SRGAP2B: variants seen among roughly 807,000 people sequenced by gnomAD.
SRGAP2B encodes SLIT-ROBO Rho GTPase activating protein 2B.
In SRGAP2B, 9 loss-of-function variants were observed where a neutral mutation model predicts 22.2. That is an observed-to-expected ratio of 0.41 (90% CI 0.24 to 0.71). The LOEUF (loss-of-function observed/expected upper bound fraction) is 0.71, where lower values mean the gene tolerates loss of function less well. SRGAP2B is among the 30% of genes least tolerant of loss of function. The probability of loss-of-function intolerance (pLI) is 0.35; values close to 1 mark genes in which losing one functional copy is unlikely to be tolerated. For missense variants in SRGAP2B, 114 were observed against 235.8 expected, an observed-to-expected ratio of 0.48 and a Z score of 3.38; for synonymous variants, 36 against 87.4, an observed-to-expected ratio of 0.41 and a Z score of 3.28.
At chr1:144,964,508 G>A (rs1160479310) in intron 3 of SRGAP2B, among the ~76,000 whole-genome samples, 3 of 150,640 alleles carry the variant, frequency 2.0e-5, no homozygotes, top group Non-Finnish European at 4.4e-5. Flanking sequence ...TACTTTACTG[G>A]CAAAACTTTA....
chr1:145,058,093 T>C lies in SRGAP2B; in HGVS notation c.67+34742A>G, dbSNP rs1192479970. Among the ~76,000 whole-genome samples the C allele has an allele frequency of 1.3e-5, 2 of 149,498 alleles. 1 individual carries two copies. The highest frequency in any genetic ancestry group is 5.0e-5 in the African/African-American group (2 of 39,700). On this transcript the variant is annotated intron_variant, in intron 2 of 9. Coordinates refer to ENST00000612199, the Ensembl canonical transcript of SRGAP2B. ...GTTCAGCAGCCCTATGGGAAACGCA[T>C]AGGCTTTAGAGGCAGACTTTGGGAT...
At chr1:144,933,275 A>T (rs1570774452) in intron 4 of SRGAP2B, among the ~76,000 whole-genome samples, 1 of 149,260 alleles carries the variant, frequency 6.7e-6, no homozygotes, top group South Asian at 2.1e-4. Flanking sequence ...CGCCTGGGAC[A>T]TGTAACTATT....
Position 144,955,081 on chromosome 1 carries a change from G to T in SRGAP2B, c.423+358C>A, listed in dbSNP as rs1382912008. 3.3e-5 allele frequency among the ~76,000 whole-genome samples: 5 copies of T among 150,080 alleles called. 1 individual carries two copies. Among genetic ancestry groups the T allele is most frequent in the Middle Eastern group, 6.4e-3 (2 of 312 alleles). On this transcript the variant is annotated intron_variant, in intron 4 of 9. Coordinates refer to ENST00000612199, the Ensembl canonical transcript of SRGAP2B. Reference sequence around the variant, plus strand: ...TTATGAATTATAGTACCAGCCCTGGGTTTATACCTTGCAAATGGTTCCTTT... The same window carrying T: ...TTATGAATTATAGTACCAGCCCTGGTTTTATACCTTGCAAATGGTTCCTTT...
At chr1:144,979,715 A>G (rs1553614774) in intron 3 of SRGAP2B, among the ~76,000 whole-genome samples, 1 of 150,694 alleles carries the variant, frequency 6.6e-6, no homozygotes, top group South Asian at 2.1e-4. Context: ...TGGTTGTTCA[A>G]AAGTCTGGGA....
intron 4 of SRGAP2B, among the ~76,000 whole-genome samples, chr1:144,941,040 C>T (rs113582490): frequency 1.3e-5 from 2 of 149,352 alleles, no homozygotes; most frequent in South Asian, 2.1e-4. Context: ...GAAGGAAATA[C>T]ATCAAAATGT....
intron 4 of SRGAP2B, among the ~76,000 whole-genome samples, chr1:144,932,482 G>T (rs1214460880): frequency 6.6e-6 from 1 of 150,880 alleles, no homozygotes; most frequent in Non-Finnish European, 1.5e-5. Context: ...CTTGAAACCA[G>T]CAAGTTGAGA....
At chr1:144,911,439 T>C (rs1468871825) in intron 5 of SRGAP2B, among the ~76,000 whole-genome samples, 3 of 149,944 alleles carry the variant, frequency 2.0e-5, no homozygotes, top group Non-Finnish European at 4.4e-5. Flanking sequence ...AGGTGACCAA[T>C]TAACCCTTTT....
intron 2 of SRGAP2B, among the ~76,000 whole-genome samples, chr1:145,019,898 C>G (rs587636740): frequency 6.6e-6 from 1 of 151,150 alleles, no homozygotes; most frequent in African/African-American, 2.5e-5. Context: ...CACCAGAGCA[C>G]TCTGCTTCAG....
intron 7 of SRGAP2B, among the ~76,000 whole-genome samples, chr1:144,898,380 A>G (rs1662438551): frequency 8.5e-6 from 1 of 117,582 alleles, no homozygotes; most frequent in South Asian, 3.2e-4. Flanking sequence ...TTCTTCTGTT[A>G]GAGAAAAGTC....
chr1:144,970,386 C>T (rs1668415320), intron 3 of SRGAP2B, among the ~76,000 whole-genome samples: 1 of 114,742 alleles, frequency 8.7e-6, no homozygotes, highest in Non-Finnish European at 1.7e-5. Context: ...TCTCAGTAAA[C>T]TATCGCAAGA....
At chr1:145,095,248 GC>G in exon 1 of SRGAP2B, 1 of 247,876 alleles carries the variant, frequency 4.0e-6, no homozygotes, top group Non-Finnish European at 6.7e-6. Context: ...CGGGTCCCAG[GC>G]CCCCGGCTCC....
chr1:144,976,180 T>G lies in SRGAP2B; in HGVS notation c.260+18828A>C, dbSNP rs1668892534. On this transcript the variant is annotated intron_variant, in intron 3 of 9. Transcript: ENST00000612199. The stretch of plus-strand genomic sequence containing the variant: ...CAGGTGTGAGCCATCGCGCCCAGCC[T>G]GGGTTAGTAATTCTGAAACAACTTT... 2.0e-5 allele frequency among the ~76,000 whole-genome samples: 3 copies of G among 147,156 alleles called. No homozygotes were observed. The South Asian group carries it at 6.3e-4, about 31-fold the overall frequency.
At chr1:145,058,176 C>A (rs1186585079) in intron 2 of SRGAP2B, among the ~76,000 whole-genome samples, 1 of 149,462 alleles carries the variant, frequency 6.7e-6, no homozygotes, top group Non-Finnish European at 1.5e-5. Context: ...AATTTCTGAG[C>A]CTTAGTTTCC....
At chr1:144,907,994 G>GA (rs1281850043) in intron 5 of SRGAP2B, among the ~76,000 whole-genome samples, 2 of 145,660 alleles carry the variant, frequency 1.4e-5, no homozygotes, top group African/African-American at 5.3e-5. Flanking sequence ...CTATACAGAA[G>GA]AAAAAATACT....
intron 4 of SRGAP2B, among the ~76,000 whole-genome samples, chr1:144,940,503 T>A (rs1371155945): frequency 9.2e-5 from 13 of 141,792 alleles, no homozygotes; most frequent in African/African-American, 2.7e-4. Context: ...CAGGGGAGAG[T>A]CAAGACAACA....
At chr1:144,892,953 CT>C (rs1662219026) in intron 9 of SRGAP2B, among the ~76,000 whole-genome samples, 1 of 45,516 alleles carries the variant, frequency 2.2e-5, no homozygotes, top group South Asian at 9.4e-4. Flanking sequence ...ATCACCCGCC[CT>C]TTTGAACCGC....
intron 5 of SRGAP2B, among the ~76,000 whole-genome samples, chr1:144,911,474 G>A (rs1446429944): frequency 2.7e-5 from 4 of 149,408 alleles, no homozygotes; most frequent in African/African-American, 1.0e-4. Flanking sequence ...TCCAGTTTCA[G>A]CACTGACAAT....
At position 144,907,799 on chromosome 1, in the gene SRGAP2B, G is replaced by A. The variant is rs1414343981; in HGVS notation, c.487-1725C>T. On this transcript the variant is annotated intron_variant, in intron 5 of 9. Transcript: ENST00000612199. ...AAGACTTTGTGGGTATACTAATCTA[G>A]CCCCTACGATCAGCTAGAGGCAGAC... Among the ~76,000 whole-genome samples, 13 of 150,422 alleles carry A rather than the reference G, an allele frequency of 8.6e-5. 1 individual carries two copies. The highest frequency in any genetic ancestry group is 4.6e-4 in the Admixed American group (7 of 15,122).
intron 2 of SRGAP2B, among the ~76,000 whole-genome samples, chr1:145,030,389 G>A (rs1408601703): frequency 5.4e-5 from 8 of 147,728 alleles, no homozygotes; most frequent in Non-Finnish European, 1.2e-4. Flanking sequence ...AAAAAAGGAT[G>A]AGTTCAAGTC....
Sources: allele counts gnomAD v4.1 joint callset (sites outside exome capture counted in the v4.1 genomes callset), GRCh38; gene constraint gnomAD v4.1.1; transcripts MANE v1.5; gene names NCBI Gene and HGNC (gene_info 2026-07-23, HGNC 2026-07-21).